Variants in TBL1X observed in about 807,000 individuals in gnomAD.
TBL1X encodes the protein F-box-like/WD repeat-containing protein TBL1X.
Under a neutral mutation model 50.7 loss-of-function variants are expected in TBL1X, and 10 were observed. The ratio of observed to expected loss-of-function variants is 0.20; its 90% confidence interval spans 0.12 to 0.33. TBL1X has a LOEUF of 0.33. Ranked by LOEUF, TBL1X falls within the 10% of genes least tolerant of loss-of-function variation. TBL1X has a pLI of 1.00. For missense variants in TBL1X, 340 were observed against 504.4 expected (o/e 0.67, Z 3.12); for synonymous variants, 190 against 214.7 (o/e 0.88, Z 1.01).
intron 13 of TBL1X, among the ~76,000 whole-genome samples, chrX:9,706,907 A>G (rs182382221): frequency 2.7e-5 from 3 of 111,353 alleles, no homozygotes; most frequent in Non-Finnish European, 3.8e-5. Context: ...CCCAGTCTCC[A>G]GGCCCATTCA....
At chrX:9,680,224 T>G in intron 5 of TBL1X, among the ~76,000 whole-genome samples, 1 of 111,639 alleles carries the variant, frequency 9.0e-6, no homozygotes, top group Non-Finnish European at 1.9e-5. Context: ...CATACAAATC[T>G]GGGGGGGACA....
intron 1 of TBL1X, among the ~76,000 whole-genome samples, chrX:9,467,983 T>G (rs1569199037): frequency 8.9e-6 from 1 of 112,424 alleles, no homozygotes; most frequent in East Asian, 2.8e-4. Context: ...CCTCCCAAGC[T>G]GGCCCCCTCC....
At chrX:9,527,868 G>A (rs61551158) in intron 2 of TBL1X, among the ~76,000 whole-genome samples, 19,631 of 109,924 alleles carry the variant, frequency 0.18, 1,971 homozygotes, top group African/African-American at 0.38. Context: ...AGTGCATCAC[G>A]GCTCCCTACA....
chrX:9,661,056 C>T (rs73478854), intron 5 of TBL1X, among the ~76,000 whole-genome samples: 255 of 112,172 alleles, frequency 2.3e-3, no homozygotes, highest in African/African-American at 8.1e-3. Flanking sequence ...TGATCGTGGA[C>T]TCCCAGCCTC....
chrX:9,566,389 T>A (rs2082351577), intron 2 of TBL1X, among the ~76,000 whole-genome samples: 1 of 112,259 alleles, frequency 8.9e-6, no homozygotes, highest in Non-Finnish European at 1.9e-5. Flanking sequence ...ACCCTGCTGT[T>A]TGATATTGGT....
At chrX:9,531,931 G>A (rs1004886553) in intron 2 of TBL1X, among the ~76,000 whole-genome samples, 3 of 110,628 alleles carry the variant, frequency 2.7e-5, no homozygotes, top group East Asian at 2.9e-4. Context: ...GTGGGGTTTC[G>A]CCATGTTGGC....
At chrX:9,634,275 A>T (rs1385280104) in intron 2 of TBL1X, among the ~76,000 whole-genome samples, 2 of 110,688 alleles carry the variant, frequency 1.8e-5, no homozygotes, top group Admixed American at 9.6e-5. Context: ...GGACCTAGAC[A>T]TGGAGCTGCA....
intron 1 of TBL1X, among the ~76,000 whole-genome samples, chrX:9,497,789 CCTCT>C (rs1173106289): frequency 1.2e-5 from 1 of 81,440 alleles, no homozygotes; most frequent in Non-Finnish European, 2.3e-5. Flanking sequence ...TCTCTCCCTC[CCTCT>C]CTCCGTCTCT....
rs1031216821 is a variant in TBL1X, at chrX:9,662,017, G to A, written c.211+7695G>A. Among the ~76,000 whole-genome samples the A allele has an allele frequency of 6.3e-5, 7 of 111,435 alleles. No homozygotes were observed. In the South Asian group the frequency reaches 1.5e-3, roughly 24 times the overall value. On this transcript the variant is annotated intron_variant, in intron 5 of 17. Coordinates refer to ENST00000645353, the MANE Select transcript of TBL1X (RefSeq NM_005647.4). Reference sequence around the variant, plus strand: ...GGGTCCTGGGAGCTTCAGTCTGTCCGTGAAAGAAGCACTTCCCTGAGGCTT... The same window carrying A: ...GGGTCCTGGGAGCTTCAGTCTGTCCATGAAAGAAGCACTTCCCTGAGGCTT...
chrX:9,592,086 AT>A (rs1186985431), intron 2 of TBL1X, among the ~76,000 whole-genome samples: 4 of 111,497 alleles, frequency 3.6e-5, no homozygotes, highest in African/African-American at 1.3e-4. Flanking sequence ...TGTTGATGTC[AT>A]TTTTTTCCCC....
Position 9,629,576 on chromosome X carries a change from G to A in TBL1X, c.-130-10697G>A, listed in dbSNP as rs750688189. Among the ~76,000 whole-genome samples the A allele has an allele frequency of 3.6e-5, 4 of 112,398 alleles. No individual in the cohort carries two copies. The South Asian group carries it at 1.1e-3, about 31-fold the overall frequency. Reference sequence around the variant, plus strand: ...TATTCAGTGCTTTTAGTGAGTATGCGTGTGTTTCTCTGCATATCAGATGCA... The same window carrying A: ...TATTCAGTGCTTTTAGTGAGTATGCATGTGTTTCTCTGCATATCAGATGCA... On this transcript the variant is annotated intron_variant, in intron 2 of 17. Transcript: ENST00000645353.
intron 11 of TBL1X, among the ~76,000 whole-genome samples, chrX:9,695,379 T>G (rs1000878090): frequency 1.4e-4 from 16 of 112,583 alleles, no homozygotes; most frequent in African/African-American, 5.2e-4. Flanking sequence ...GTAGCCTGGT[T>G]TATGATATTT....
rs996054752 is a variant in TBL1X at position 9,718,575 on chromosome X, C to T, written c.*2329C>T. On this transcript the variant is annotated 3_prime_UTR_variant, in exon 18 of 18. Coordinates refer to ENST00000645353, the MANE Select transcript of TBL1X (RefSeq NM_005647.4). ...GGGTCCAAAAGACACCATCTCTACC[C>T]CACCCAAATAAAAATGCACTCATCT... The T allele has an allele frequency of 9.0e-6, 1 of 111,319 alleles. No homozygotes were observed. The highest frequency in any genetic ancestry group is 1.9e-5 in the Non-Finnish European group (1 of 53,067). The allele number at this position is 111,319 out of a possible 1,213,427, so 9.2% of individuals were successfully genotyped here. A position where few individuals can be genotyped will look rare whatever the true frequency, so the allele number is the denominator to read the frequency against.
intron 5 of TBL1X, among the ~76,000 whole-genome samples, chrX:9,668,402 C>T (rs982981951): frequency 2.7e-5 from 3 of 109,758 alleles, no homozygotes; most frequent in East Asian, 5.6e-4. Context: ...TTGGGACTCT[C>T]GTGGAGAGCT....
chrX:9,528,483 A>G (rs1354532443), intron 2 of TBL1X, among the ~76,000 whole-genome samples: 2 of 110,171 alleles, frequency 1.8e-5, no homozygotes, highest in Non-Finnish European at 3.8e-5. Context: ...TGTCTCTGAA[A>G]TAGAAACGAC....
Position 9,711,788 on chromosome X carries a change from A to G in TBL1X, c.1605+12A>G, listed in dbSNP as rs898741218. 1.0e-5 allele frequency: 12 copies of G among 1,173,852 alleles called. No homozygotes were observed. Among genetic ancestry groups the G allele is most frequent in the Non-Finnish European group, 1.4e-5 (12 of 874,879 alleles). On this transcript the variant is annotated intron_variant, in intron 16 of 17. Coordinates refer to ENST00000645353, the MANE Select transcript of TBL1X (RefSeq NM_005647.4). ...TCTGGAATACTCAGGTAAGCTCCCGACCCCTACACCAAATCCTTTTAGTAA... is the reference window on the plus strand; with the variant it reads ...TCTGGAATACTCAGGTAAGCTCCCGGCCCCTACACCAAATCCTTTTAGTAA...
At chrX:9,632,095 T>C (rs1288864291) in intron 2 of TBL1X, among the ~76,000 whole-genome samples, 1 of 112,255 alleles carries the variant, frequency 8.9e-6, no homozygotes, top group African/African-American at 3.2e-5. Context: ...GATATAACTT[T>C]TGGGTTGTTT....
rs377098822 is a variant in TBL1X, at chrX:9,688,221, T to C, written c.562T>C (p.Ser188Pro). 5.0e-6 allele frequency: 6 copies of C among 1,197,836 alleles called. No individual in the cohort carries two copies. In the African/African-American group the frequency reaches 8.8e-5, roughly 18 times the overall value. ...TSAGVSHQNP[S>P]KNREATVNGE... ...AGCCGGCGTTTCCCACCAAAATCCA[T>C]CGAAGAACAGAGAGGCCACGGTGAA... The change falls in exon 7 of 18, where the codon TCG becomes CCG. Residue 188 changes from serine to proline, a missense_variant. Physicochemically the swap from Ser to Pro is moderately conservative, Grantham distance 74 (BLOSUM62 -1). Around this residue, in one of 6 missense-constraint regions of TBL1X, gnomAD observed 99 missense variants for 93.3 expected, o/e 1.06. Coordinates refer to ENST00000645353, the MANE Select transcript of TBL1X (RefSeq NM_005647.4).
At chrX:9,500,465 G>A (rs763528023) in intron 1 of TBL1X, among the ~76,000 whole-genome samples, 13 of 109,994 alleles carry the variant, frequency 1.2e-4, no homozygotes, top group South Asian at 3.9e-4. Flanking sequence ...ATGTGGTGGC[G>A]GGTTCCTGTA....
Sources: allele counts gnomAD v4.1 joint callset (sites outside exome capture counted in the v4.1 genomes callset), GRCh38; gene constraint gnomAD v4.1.1; regional missense constraint gnomAD v4.1.1; transcripts MANE v1.5; gene names NCBI Gene and HGNC (gene_info 2026-07-23, HGNC 2026-07-21).